Variants in FUT9 observed in about 807,000 individuals in gnomAD.
The protein encoded by FUT9 is 4-galactosyl-N-acetylglucosaminide 3-alpha-L-fucosyltransferase 9.
A neutral mutation model predicts 29.7 loss-of-function variants in FUT9; 15 were observed. The observed-to-expected ratio is 0.51, with a 90% CI of 0.34 to 0.78. The LOEUF (loss-of-function observed/expected upper bound fraction) is 0.78. FUT9 is among the 30% of genes least tolerant of loss of function. FUT9 has a pLI of 0.01. For synonymous variants in FUT9, 169 were observed against 153.7 expected, an observed-to-expected ratio of 1.10 and a Z score of -0.74; for missense variants, 319 against 425.4, an observed-to-expected ratio of 0.75 and a Z score of 2.20.
chr6:96,141,997 AAT>A (rs1428361925), intron 2 of FUT9, among the ~76,000 whole-genome samples: 2 of 152,200 alleles, frequency 1.3e-5, no homozygotes, highest in African/African-American at 2.4e-5. Flanking sequence ...ACACCTATAA[AAT>A]ATGTGTATAT....
chr6:96,028,911 A>C (rs764560669), intron 1 of FUT9, among the ~76,000 whole-genome samples: 3 of 151,650 alleles, frequency 2.0e-5, no homozygotes, highest in Non-Finnish European at 3.0e-5. Context: ...TTTCCACAAG[A>C]ATTAAAACTC....
At chr6:96,165,870 C>T (rs1048590506) in intron 2 of FUT9, among the ~76,000 whole-genome samples, 2 of 152,102 alleles carry the variant, frequency 1.3e-5, no homozygotes, top group African/African-American at 4.8e-5. Flanking sequence ...CCAGCCTCAA[C>T]CTCCCAGAGT....
At chr6:96,164,593 C>G (rs1772979232) in intron 2 of FUT9, among the ~76,000 whole-genome samples, 1 of 152,080 alleles carries the variant, frequency 6.6e-6, no homozygotes, top group African/African-American at 2.4e-5. Flanking sequence ...GTAAAAGCTT[C>G]TTATCAGACC....
Position 96,214,747 on chromosome 6 carries a change from T to G in FUT9, c.*10512T>G, listed in dbSNP as rs1281404655. The G allele has an allele frequency of 6.0e-6, 1 of 166,988 alleles. No individual in the cohort carries two copies. Among genetic ancestry groups the G allele is most frequent in the Non-Finnish European group, 1.5e-5 (1 of 68,060 alleles). The allele number at this position is 166,988 out of a possible 1,614,324, so 10.3% of individuals were successfully genotyped here. ...ACGTAGCTCTTAGTGACTTAAAACA[T>G]GACAGTAAGCATTTACACTGTTGGA... On this transcript the variant is annotated 3_prime_UTR_variant, in exon 3 of 3. Transcript: ENST00000302103.
chr6:96,090,941 A>C (rs1385892236), intron 1 of FUT9, among the ~76,000 whole-genome samples: 1 of 152,126 alleles, frequency 6.6e-6, no homozygotes. Context: ...TGCCGCTAAC[A>C]AAAGTAGAAG....
chr6:96,210,077 G>A lies in FUT9; in HGVS notation c.*5842G>A, dbSNP rs1056959698. The A allele has an allele frequency of 6.0e-6, 1 of 166,888 alleles. No homozygotes were observed. Among genetic ancestry groups the A allele is most frequent in the Non-Finnish European group, 1.5e-5 (1 of 68,066 alleles). The allele number at this position is 166,888 out of a possible 1,614,324, so 10.3% of individuals were successfully genotyped here. On this transcript the variant is annotated 3_prime_UTR_variant, in exon 3 of 3. Coordinates refer to ENST00000302103, the MANE Select transcript of FUT9 (RefSeq NM_006581.4). Reference sequence around the variant, plus strand: ...ATACACAGCTTCTGAATCTCTGGGTGTGAGATGGGACCAGGAATCTTATTT... The same window carrying A: ...ATACACAGCTTCTGAATCTCTGGGTATGAGATGGGACCAGGAATCTTATTT...
intron 1 of FUT9, among the ~76,000 whole-genome samples, chr6:96,089,380 C>G (rs1771373636): frequency 6.6e-6 from 1 of 152,146 alleles, no homozygotes; most frequent in Admixed American, 6.5e-5. Context: ...TGTCCCTTTC[C>G]CTGAGCTGCA....
intron 2 of FUT9, among the ~76,000 whole-genome samples, chr6:96,198,932 G>C (rs2127990483): frequency 6.6e-6 from 1 of 151,850 alleles, no homozygotes; most frequent in South Asian, 2.1e-4. Context: ...AGAAGTGTCT[G>C]TTCGTGTCCA....
intron 1 of FUT9, among the ~76,000 whole-genome samples, chr6:96,102,786 G>A (rs141007588): frequency 1.2e-4 from 18 of 152,166 alleles, no homozygotes; most frequent in Middle Eastern, 6.8e-3. Context: ...TAGAAATTGC[G>A]TGTTTTACCC....
intron 2 of FUT9, among the ~76,000 whole-genome samples, chr6:96,148,823 T>C (rs180708243): frequency 3.3e-5 from 5 of 152,278 alleles, no homozygotes; most frequent in Non-Finnish European, 7.4e-5. Flanking sequence ...CTAACTAGTC[T>C]TATGTGACCC....
intron 2 of FUT9, among the ~76,000 whole-genome samples, chr6:96,127,067 C>T (rs1194223509): frequency 3.9e-5 from 6 of 152,050 alleles, no homozygotes; most frequent in South Asian, 2.1e-4. Context: ...CAGGGGTACA[C>T]GTGCAGGTTT....
chr6:96,033,773 C>T (rs987931927), intron 1 of FUT9, among the ~76,000 whole-genome samples: 1 of 151,648 alleles, frequency 6.6e-6, no homozygotes, highest in Admixed American at 6.6e-5. Context: ...CAAATTCAAA[C>T]ACATATTTGT....
At chr6:96,186,146 C>A (rs1202167557) in intron 2 of FUT9, among the ~76,000 whole-genome samples, 1 of 152,030 alleles carries the variant, frequency 6.6e-6, no homozygotes, top group Non-Finnish European at 1.5e-5. Context: ...AATCTCTTTA[C>A]TTTTCTCATA....
intron 1 of FUT9, among the ~76,000 whole-genome samples, chr6:96,047,240 C>T (rs540368323): frequency 3.0e-4 from 46 of 152,222 alleles, no homozygotes; most frequent in African/African-American, 9.9e-4. Flanking sequence ...AGTAGAAATG[C>T]CTCAGTTATG....
Position 96,074,926 on chromosome 6 carries a change from G to A in FUT9, c.-97-39113G>A, listed in dbSNP as rs147429928. 5.1e-4 allele frequency among the ~76,000 whole-genome samples: 77 copies of A among 151,890 alleles called. 1 individual carries two copies. The East Asian group carries it at 0.014, about 28-fold the overall frequency. ...TGAGTAGCAAGGACTGCAAGCTCAC[G>A]CCACCATGGCCAGCGAATTTTTTTT... is the stretch of plus-strand genomic sequence containing the variant. On this transcript the variant is annotated intron_variant, in intron 1 of 2. Coordinates refer to ENST00000302103, the MANE Select transcript of FUT9 (RefSeq NM_006581.4).
intron 1 of FUT9, among the ~76,000 whole-genome samples, chr6:96,058,976 T>A (rs952625843): frequency 6.6e-6 from 1 of 152,200 alleles, no homozygotes; most frequent in African/African-American, 2.4e-5. Flanking sequence ...AAAACAGTAA[T>A]GGCAGTTGCA....
chr6:96,070,610 C>A (rs112298416), intron 1 of FUT9, among the ~76,000 whole-genome samples: 2,730 of 152,122 alleles, frequency 0.018, 49 homozygotes, highest in Non-Finnish European at 0.023. Flanking sequence ...TTGCTTGAGC[C>A]TGGGGAGCAG....
intron 1 of FUT9, among the ~76,000 whole-genome samples, chr6:96,034,360 C>G (rs1770316522): frequency 6.6e-6 from 1 of 151,430 alleles, no homozygotes; most frequent in African/African-American, 2.4e-5. Context: ...CTTATACTGT[C>G]CCTGTTTTAT....
At chr6:96,134,502 T>G (rs1277297644) in intron 2 of FUT9, among the ~76,000 whole-genome samples, 1 of 151,876 alleles carries the variant, frequency 6.6e-6, no homozygotes, top group Admixed American at 6.6e-5. Context: ...TTTATAAAAC[T>G]CTCTGTGTCC....
Sources: gnomAD v4.1 joint callset for allele counts (sites outside exome capture counted in the v4.1 genomes callset) on GRCh38, gnomAD v4.1.1 for gene constraint, MANE v1.5 for transcripts, NCBI Gene and HGNC (gene_info 2026-07-23, HGNC 2026-07-21) for gene names.